PRKCH: variants seen among roughly 807,000 people sequenced by gnomAD.
PRKCH encodes the protein protein kinase C eta, also known as protein kinase C eta type.
Under a neutral mutation model 82.5 loss-of-function variants are expected in PRKCH, and 28 were observed. The observed-to-expected ratio is 0.34, with a 90% confidence interval of 0.25 to 0.47. The LOEUF is 0.47. PRKCH is among the 20% of genes least tolerant of loss of function. PRKCH has a pLI of 1.00. For synonymous variants in PRKCH, 322 were observed against 327.4 expected (o/e 0.98, Z 0.18); for missense variants, 705 against 881.8 (o/e 0.80, Z 2.54).
intron 9 of PRKCH, among the ~76,000 whole-genome samples, chr14:61,477,940 T>TACCTCCGCCAGTCTTGGAGGTCTGTGA: frequency 6.6e-6 from 1 of 152,160 alleles, no homozygotes; most frequent in African/African-American, 2.4e-5. Context: ...AGTGTGTGTG[T>TACCTCCGCCAGTCTTGGAGGTCTGTGA]ACCTCCGCCA....
chr14:61,453,479 CCTTTCTTT>C (rs10569436), intron 7 of PRKCH, 126 bp downstream of exon 7: 3 of 922,576 alleles, frequency 3.3e-6, no homozygotes, highest in African/African-American at 3.7e-5. Flanking sequence ...AGACTTATTG[CCTTTCTTT>C]CTTTCTTTCT....
At chr14:61,256,553 T>C (rs917900926) in intron 1 of PRKCH, among the ~76,000 whole-genome samples, 6 of 152,186 alleles carry the variant, frequency 3.9e-5, no homozygotes, top group African/African-American at 1.4e-4. Context: ...AATTATACTT[T>C]TTCTATCCTA....
intron 1 of PRKCH, among the ~76,000 whole-genome samples, chr14:61,341,403 T>C (rs564468882): frequency 6.6e-6 from 1 of 152,186 alleles, no homozygotes; most frequent in African/African-American, 2.4e-5. Flanking sequence ...AGAAAAAATA[T>C]GTCACTCTCC....
At chr14:61,279,955 C>T (rs188890345) in intron 1 of PRKCH, 1 of 757,204 alleles carries the variant, frequency 1.3e-6, no homozygotes, top group Non-Finnish European at 2.1e-6. Context: ...GGGGTAATTC[C>T]CTTATCTGGT....
intron 1 of PRKCH, among the ~76,000 whole-genome samples, chr14:61,285,694 C>T (rs1354714411): frequency 6.6e-6 from 1 of 152,198 alleles, no homozygotes; most frequent in Non-Finnish European, 1.5e-5. Context: ...ACTCAAAGAA[C>T]TGATGCAAAA....
intron 1 of PRKCH, among the ~76,000 whole-genome samples, chr14:61,211,845 C>A (rs1367623446): frequency 1.3e-5 from 2 of 152,178 alleles, no homozygotes; most frequent in South Asian, 4.1e-4. Flanking sequence ...ACAGTAAAAT[C>A]CCTTGAAACT....
At chr14:61,449,856 G>GTC (rs149977373) in intron 5 of PRKCH, among the ~76,000 whole-genome samples, 175 of 142,392 alleles carry the variant, frequency 1.2e-3, no homozygotes, top group African/African-American at 4.6e-3. Context: ...CAGGGAAGAT[G>GTC]TCTCTCTCTC....
At position 61,514,059 on chromosome 14, in the gene PRKCH, C is replaced by A. The variant is rs140401673; in HGVS notation, c.1434-15016C>A. Among the ~76,000 whole-genome samples, 208 of 152,124 alleles carry A rather than the reference C, an allele frequency of 1.4e-3. 1 individual carries two copies. The highest frequency in any genetic ancestry group is 4.7e-3 in the African/African-American group (196 of 41,452). On this transcript the variant is annotated intron_variant, in intron 10 of 13. Transcript: ENST00000332981. ...TCACCTGAACAGTCACCAGATAGCA[C>A]CAGCATTCCAGCCTGCCTACCCTGC...
chr14:61,400,373 G>A (rs147559405), intron 2 of PRKCH, among the ~76,000 whole-genome samples: 1 of 152,148 alleles, frequency 6.6e-6, no homozygotes, highest in Non-Finnish European at 1.5e-5. Flanking sequence ...TTAAAATGTA[G>A]CTTTAAAAAA....
chr14:61,515,447 C>T (rs2042810798), intron 10 of PRKCH, among the ~76,000 whole-genome samples: 1 of 152,200 alleles, frequency 6.6e-6, no homozygotes, highest in Admixed American at 6.5e-5. Flanking sequence ...ACCGAATGAA[C>T]CTCAACTTAA....
At chr14:61,210,146 ATATATATATATATAT>A (rs1566781701) in intron 1 of PRKCH, among the ~76,000 whole-genome samples, 47 of 71,202 alleles carry the variant, frequency 6.6e-4, no homozygotes, top group Admixed American at 1.2e-3. Context: ...ATATATATAT[ATATATATATATATAT>A]AAATTAGCTT....
chr14:61,233,938 T>C (rs1167686384), intron 1 of PRKCH, among the ~76,000 whole-genome samples: 1 of 152,238 alleles, frequency 6.6e-6, no homozygotes, highest in Non-Finnish European at 1.5e-5. Context: ...TTATTTATTC[T>C]TTTACCCTCG....
intron 9 of PRKCH, among the ~76,000 whole-genome samples, chr14:61,482,243 C>T (rs1383152682): frequency 2.6e-5 from 4 of 152,168 alleles, no homozygotes; most frequent in South Asian, 2.1e-4. Flanking sequence ...GTGATCTGCC[C>T]GCCTCAGCCT....
At chr14:61,487,617 T>G (rs1886282489) in intron 10 of PRKCH, among the ~76,000 whole-genome samples, 1 of 152,098 alleles carries the variant, frequency 6.6e-6, no homozygotes, top group Non-Finnish European at 1.5e-5. Flanking sequence ...CATGTAGTTT[T>G]AAAAACTACA....
chr14:61,506,147 C>G (rs1239488546), intron 10 of PRKCH, among the ~76,000 whole-genome samples: 1 of 152,178 alleles, frequency 6.6e-6, no homozygotes, highest in African/African-American at 2.4e-5. Context: ...TAGAATTTTA[C>G]TACCACAGTG....
intron 1 of PRKCH, among the ~76,000 whole-genome samples, chr14:61,388,341 G>A (rs1230336629): frequency 1.3e-5 from 2 of 152,170 alleles, no homozygotes; most frequent in African/African-American, 4.8e-5. Flanking sequence ...CACAGTGGGT[G>A]ACATGGGTCA....
At chr14:61,456,742 G>A (rs1055225865) in intron 7 of PRKCH, 9 of 153,622 alleles carry the variant, frequency 5.9e-5, no homozygotes, top group South Asian at 2.0e-4. Flanking sequence ...ATTAAAAAAC[G>A]TTGCTTCATT....
intron 1 of PRKCH, among the ~76,000 whole-genome samples, chr14:61,390,425 C>T (rs2140200191): frequency 6.6e-6 from 1 of 152,236 alleles, no homozygotes; most frequent in African/African-American, 2.4e-5. Context: ...AATCCCAGCA[C>T]TTTGGGAGGC....
At chr14:61,520,985 A>G (rs1034905689) in intron 10 of PRKCH, among the ~76,000 whole-genome samples, 4 of 152,250 alleles carry the variant, frequency 2.6e-5, no homozygotes, top group Non-Finnish European at 4.4e-5. Context: ...CCAAATGTTT[A>G]TGTAGAGGAA....
Sources: gnomAD v4.1 joint callset for allele counts (sites outside exome capture counted in the v4.1 genomes callset) on GRCh38, gnomAD v4.1.1 for gene constraint, MANE v1.5 for transcripts, NCBI Gene and HGNC (gene_info 2026-07-23, HGNC 2026-07-21) for gene names.